PDE1A: variants seen among roughly 807,000 people sequenced by gnomAD.
PDE1A encodes the protein dual specificity calcium/calmodulin-dependent 3',5'-cyclic nucleotide phosphodiesterase 1A.
A neutral mutation model predicts 61.7 loss-of-function variants in PDE1A; 35 were observed. The observed-to-expected ratio is 0.57, with a 90% CI of 0.43 to 0.75. PDE1A has a LOEUF of 0.75. Ranked by LOEUF, PDE1A falls within the 30% of genes least tolerant of loss-of-function variation. The pLI is 0.00. For synonymous variants in PDE1A, 232 were observed against 213.2 expected (o/e 1.09, Z -0.77); for missense variants, 597 against 630.6 (o/e 0.95, Z 0.57).
chr2:182,562,822 G>C, the PDE1A span, among the ~76,000 whole-genome samples: 3 of 152,304 alleles, frequency 2.0e-5, no homozygotes, highest in Admixed American at 6.5e-5. Context: ...ATTTCTTCTA[G>C]ATTTTCTAGT....
chr2:182,358,969 C>G (rs1699351109), intron 1 of PDE1A, among the ~76,000 whole-genome samples: 1 of 151,722 alleles, frequency 6.6e-6, no homozygotes, highest in African/African-American at 2.4e-5. Flanking sequence ...TCCCTTCCTT[C>G]CTTTCCTTCC....
At chr2:182,430,171 C>A (rs2125629788), upstream of PDE1A, among the ~76,000 whole-genome samples, 1 of 151,130 alleles carries the variant, frequency 6.6e-6, no homozygotes. Flanking sequence ...GAACAGGCAA[C>A]CTACAACATG....
chr2:182,603,088 G>T, the PDE1A span, among the ~76,000 whole-genome samples: 1 of 151,952 alleles, frequency 6.6e-6, no homozygotes, highest in East Asian at 1.9e-4. Context: ...GGTCATCTTT[G>T]ACATTAATTT....
At chr2:182,577,986 AAGGAAGGG>A in the PDE1A span, among the ~76,000 whole-genome samples, 47 of 134,782 alleles carry the variant, frequency 3.5e-4, no homozygotes, top group Non-Finnish European at 6.0e-4. Context: ...GGAAGGAAGG[AAGGAAGGG>A]ACGGAGGGAG....
intron 7 of PDE1A, among the ~76,000 whole-genome samples, chr2:182,211,434 T>G (rs886629442): frequency 6.6e-6 from 1 of 152,230 alleles, no homozygotes; most frequent in African/African-American, 2.4e-5. Context: ...GTAGCAAGTC[T>G]TAAAGTTAGG....
At chr2:182,184,007 GAAGAAAGAAAGAAAGAAAGA>G (rs36010429) in intron 13 of PDE1A, among the ~76,000 whole-genome samples, 3,714 of 134,690 alleles carry the variant, frequency 0.028, 153 homozygotes, top group African/African-American at 0.098. Context: ...GAAAGGAAGA[GAAGAAAGAAAGAAAGAAAGA>G]AAGAAAGAAA....
the PDE1A span, among the ~76,000 whole-genome samples, chr2:182,569,023 C>G: frequency 6.6e-6 from 1 of 151,842 alleles, no homozygotes; most frequent in African/African-American, 2.4e-5. Flanking sequence ...GAGTTCAAGA[C>G]GGGTAGATCA....
At chr2:182,548,395 A>G in the PDE1A span, among the ~76,000 whole-genome samples, 1 of 152,196 alleles carries the variant, frequency 6.6e-6, no homozygotes, top group Non-Finnish European at 1.5e-5. Flanking sequence ...CCAAGTCGAA[A>G]CGCACAGGAT....
At chr2:182,570,914 C>T in the PDE1A span, among the ~76,000 whole-genome samples, 1 of 152,172 alleles carries the variant, frequency 6.6e-6, no homozygotes, top group Non-Finnish European at 1.5e-5. Context: ...CATCTCTTTG[C>T]TTTAATTTCC....
chr2:182,365,943 G>A (rs1448457155), intron 1 of PDE1A, among the ~76,000 whole-genome samples: 8 of 152,052 alleles, frequency 5.3e-5, no homozygotes, highest in Admixed American at 4.6e-4. Flanking sequence ...ACACCCCTCC[G>A]AGGTGTACTG....
At chr2:182,639,195 G>A in the PDE1A span, among the ~76,000 whole-genome samples, 2 of 152,102 alleles carry the variant, frequency 1.3e-5, no homozygotes, top group Admixed American at 6.6e-5. Context: ...GAAAATACAA[G>A]AAGGCAAAAG....
intron 2 of PDE1A, chr2:182,242,170 C>T (rs2125695873): frequency 6.3e-6 from 5 of 788,594 alleles, no homozygotes; most frequent in Non-Finnish European, 8.3e-6. Flanking sequence ...GCCAATTCCT[C>T]CACAGTAAAT....
At chr2:182,581,362 C>A in the PDE1A span, among the ~76,000 whole-genome samples, 1 of 152,048 alleles carries the variant, frequency 6.6e-6, no homozygotes, top group African/African-American at 2.4e-5. Flanking sequence ...TCTCTCTTGC[C>A]AAAGAAAATA....
chr2:182,403,731 A>G (rs897656715), intron 1 of PDE1A, among the ~76,000 whole-genome samples: 6 of 152,160 alleles, frequency 3.9e-5, no homozygotes, highest in Admixed American at 6.5e-5. Context: ...AACTAACACA[A>G]GAACAGAAAA....
At chr2:182,553,835 AGTTAT>A in the PDE1A span, among the ~76,000 whole-genome samples, 1 of 152,246 alleles carries the variant, frequency 6.6e-6, no homozygotes, top group Non-Finnish European at 1.5e-5. Context: ...TGCATGACAG[AGTTAT>A]GTATATCTCT....
intron 1 of PDE1A, among the ~76,000 whole-genome samples, chr2:182,418,820 C>T (rs993605239): frequency 7.9e-5 from 12 of 152,012 alleles, no homozygotes; most frequent in Non-Finnish European, 1.6e-4. Context: ...TTTCCTCTTC[C>T]TCTTAAGCCG....
In PDE1A at chr2:182,317,252, CTTTT is replaced by C. The variant is rs34087191; in HGVS notation, c.54-52842_54-52839del. On this transcript the variant is annotated intron_variant, in intron 1 of 13. Transcript: ENST00000351439. ...ATGCTCTTGGAACATTTCTCACAAA[CTTTT>C]TTTTTTTTTTTGAGGATAAGAGTAC... is the stretch of plus-strand genomic sequence containing the variant. 9.8e-3 allele frequency among the ~76,000 whole-genome samples: 1,394 copies of C among 142,722 alleles called. 21 individuals carry two copies. The highest frequency in any genetic ancestry group is 0.072 in the South Asian group (323 of 4,456). 93.6% of individuals were successfully genotyped at this position (142,722 alleles called of 152,430 possible). A position where few individuals can be genotyped will look rare whatever the true frequency, so the allele number is the denominator to read the frequency against.
At chr2:182,178,051 T>C (rs549558503) in intron 13 of PDE1A, among the ~76,000 whole-genome samples, 4 of 152,312 alleles carry the variant, frequency 2.6e-5, no homozygotes, top group African/African-American at 9.6e-5. Context: ...TGTGTCTCGA[T>C]GAGCTGATAC....
chr2:182,389,327 A>T (rs1701289243), intron 1 of PDE1A, among the ~76,000 whole-genome samples: 1 of 152,168 alleles, frequency 6.6e-6, no homozygotes. Context: ...ATACTTGCAA[A>T]CTATATATCT....
Sources: allele counts gnomAD v4.1 joint callset (sites outside exome capture counted in the v4.1 genomes callset), GRCh38; gene constraint gnomAD v4.1.1; transcripts MANE v1.5; gene names NCBI Gene and HGNC (gene_info 2026-07-23, HGNC 2026-07-21).